Variants in FGF8 observed in about 807,000 individuals in gnomAD.
FGF8 encodes fibroblast growth factor 8.
In FGF8, 12 loss-of-function variants were observed where a neutral mutation model predicts 29.7. The observed-to-expected ratio is 0.40, with a 90% CI of 0.26 to 0.65. The LOEUF is 0.65. Ranked by LOEUF, FGF8 falls within the 30% of genes least tolerant of loss-of-function variation. The pLI, the probability that FGF8 is intolerant of heterozygous loss-of-function variation, is 0.37. For synonymous variants in FGF8, 157 were observed against 144.4 expected (o/e 1.09, Z -0.63); for missense variants, 271 against 345.1 (o/e 0.79, Z 1.70).
intron 5 of FGF8, among the ~76,000 whole-genome samples, chr10:101,770,964 C>T (rs768777122): frequency 2.1e-4 from 32 of 152,078 alleles, no homozygotes; most frequent in Admixed American, 4.6e-4. Flanking sequence ...CCCAGGACTT[C>T]GGTTCCCTGG....
chr10:101,777,239 G>C (rs1483321659), upstream of FGF8, among the ~76,000 whole-genome samples: 2 of 152,304 alleles, frequency 1.3e-5, no homozygotes, highest in East Asian at 1.9e-4. Flanking sequence ...GAGCCCCCAT[G>C]CTGCTTCTGT....
chr10:101,775,827 G>T lies in FGF8; in HGVS notation c.32+42C>A. 1 of 1,525,402 alleles carries T rather than the reference G, an allele frequency of 6.6e-7. No homozygotes were observed. Among genetic ancestry groups the T allele is most frequent in the Non-Finnish European group, 8.8e-7 (1 of 1,139,164 alleles). 94.5% of individuals were successfully genotyped at this position (1,525,402 alleles called of 1,614,324 possible). On this transcript the variant is annotated intron_variant, in intron 1 of 5. Transcript: ENST00000320185. The surrounding 1 kb of genome is among the most constrained non-coding windows in gnomAD (Gnocchi z 4.6). ...GAGAGAGGCGCGGGTGAGGCGAGGG[G>T]CGCGGGGGGCGGGTGGCGGGGCAGG...
chr10:101,775,223 G>A lies in FGF8; in HGVS notation c.70-7C>T, dbSNP rs1023502394. 1 of 1,544,760 alleles carries A rather than the reference G, an allele frequency of 6.5e-7. No individual in the cohort carries two copies. Among genetic ancestry groups the A allele is most frequent in the African/African-American group, 1.4e-5 (1 of 72,982 alleles). ...GGCCCCTGCCCGGGCCTTCCTAGAGGAGCAGGGCGCTTTTAAGTAGGGAGG... is the reference window on the plus strand; with the variant it reads ...GGCCCCTGCCCGGGCCTTCCTAGAGAAGCAGGGCGCTTTTAAGTAGGGAGG... On this transcript the variant is annotated splice_polypyrimidine_tract_variant and splice_region_variant and intron_variant, in intron 2 of 5. Coordinates refer to ENST00000320185, the MANE Select transcript of FGF8 (RefSeq NM_033163.5). The surrounding 1 kb of genome is among the most constrained non-coding windows in gnomAD (Gnocchi z 4.6).
Position 101,771,314 on chromosome 10 carries a change from T to G in FGF8, c.444+149A>C. ...AAACAGCTTCCTTCTCCCTCACTCC[T>G]GCACCCAATCGTGAGGTAACCCCAA... On this transcript the variant is annotated intron_variant, in intron 5 of 5. Coordinates refer to ENST00000320185, the MANE Select transcript of FGF8 (RefSeq NM_033163.5). This position sits in a 1 kb window ranked among gnomAD's most constrained non-coding sequence, Gnocchi z 5.3. 1.5e-6 allele frequency: 1 copy of G among 683,012 alleles called. No individual in the cohort carries two copies. Among genetic ancestry groups the G allele is most frequent in the Non-Finnish European group, 2.7e-6 (1 of 372,602 alleles). The allele number at this position is 683,012 out of a possible 1,614,324, so 42.3% of individuals were successfully genotyped here.
chr10:101,778,348 C>T (rs1034691609), upstream of FGF8, among the ~76,000 whole-genome samples: 1 of 152,182 alleles, frequency 6.6e-6, no homozygotes, highest in African/African-American at 2.4e-5. Context: ...CCTGGGGTCA[C>T]AGCCAGAGCC....
rs1431357088 is a variant in FGF8 at position 101,772,162 on chromosome 10, G to A, written c.338-593C>T. 6.6e-6 allele frequency among the ~76,000 whole-genome samples: 1 copy of A among 152,220 alleles called. No individual in the cohort carries two copies. Among genetic ancestry groups the A allele is most frequent in the Non-Finnish European group, 1.5e-5 (1 of 68,032 alleles). ...GCTCTGCTGAGAAGGTGCTAGGGAT[G>A]GGGACAGCTCTCCCTAAACACACAG... On this transcript the variant is annotated intron_variant, in intron 4 of 5. Transcript: ENST00000320185. The surrounding 1 kb of genome is among the most constrained non-coding windows in gnomAD (Gnocchi z 4.4).
chr10:101,773,846 C>G (rs1350597120), intron 4 of FGF8, among the ~76,000 whole-genome samples: 4 of 152,194 alleles, frequency 2.6e-5, no homozygotes, highest in African/African-American at 9.6e-5. Context: ...ACTTGCAACT[C>G]CTTTCAAACT....
In FGF8 at chr10:101,775,828, C is replaced by G. The variant is rs1274083292; in HGVS notation, c.32+41G>C. The G allele has an allele frequency of 2.4e-6, 3 of 1,232,246 alleles. No homozygotes were observed. The highest frequency in any genetic ancestry group is 1.6e-5 in the African/African-American group (1 of 62,562). 76.3% of individuals were successfully genotyped at this position (1,232,246 alleles called of 1,614,324 possible). A position where few individuals can be genotyped will look rare whatever the true frequency, so the allele number is the denominator to read the frequency against. On this transcript the variant is annotated intron_variant, in intron 1 of 5. Transcript: ENST00000320185. The surrounding 1 kb of genome is among the most constrained non-coding windows in gnomAD (Gnocchi z 4.6). Reference sequence around the variant, plus strand: ...AGAGAGGCGCGGGTGAGGCGAGGGGCGCGGGGGGCGGGTGGCGGGGCAGGG... The same window carrying G: ...AGAGAGGCGCGGGTGAGGCGAGGGGGGCGGGGGGCGGGTGGCGGGGCAGGG...
Position 101,775,393 on chromosome 10 carries a change from C to T in FGF8, c.70-177G>A, listed in dbSNP as rs1371361138. 18 of 608,696 alleles carry T rather than the reference C, an allele frequency of 3.0e-5. No individual in the cohort carries two copies. Among genetic ancestry groups the T allele is most frequent in the Non-Finnish European group, 5.0e-5 (17 of 342,252 alleles). 37.7% of individuals were successfully genotyped at this position (608,696 alleles called of 1,614,324 possible). The stretch of plus-strand genomic sequence containing the variant: ...GCTGAGAGGGTCTCTGCTGCAGTCA[C>T]CCGGCTTCCCCTGGCATCGAACATC... On this transcript the variant is annotated intron_variant, in intron 2 of 5. Transcript: ENST00000320185. This position sits in a 1 kb window ranked among gnomAD's most constrained non-coding sequence, Gnocchi z 4.6.
In FGF8 at chr10:101,775,822, G is replaced by A; in HGVS notation, c.33-46C>T. On this transcript the variant is annotated intron_variant, in intron 1 of 5. Coordinates refer to ENST00000320185, the MANE Select transcript of FGF8 (RefSeq NM_033163.5). This position sits in a 1 kb window ranked among gnomAD's most constrained non-coding sequence, Gnocchi z 4.6. ...CGGGAGAGAGAGGCGCGGGTGAGGC[G>A]AGGGGCGCGGGGGGCGGGTGGCGGG... is the stretch of plus-strand genomic sequence containing the variant. 2.0e-6 allele frequency: 3 copies of A among 1,528,824 alleles called. No individual in the cohort carries two copies. Among genetic ancestry groups the A allele is most frequent in the South Asian group, 1.2e-5 (1 of 82,918 alleles). The allele number at this position is 1,528,824 out of a possible 1,614,324, so 94.7% of individuals were successfully genotyped here.
upstream of FGF8, among the ~76,000 whole-genome samples, chr10:101,776,808 TC>T (rs1222300135): frequency 1.5e-5 from 2 of 133,278 alleles, no homozygotes; most frequent in African/African-American, 3.0e-5. Flanking sequence ...TGCCTCCCCC[TC>T]CCCCCATCCC....
Position 101,774,733 on chromosome 10 carries a change from G to A in FGF8, c.336C>T (p.Phe112=), listed in dbSNP as rs369110952. The part of the protein sequence containing the change: ...INAMAEDGDP[F]AKLIVETDTF... The stretch of plus-strand genomic sequence containing the variant: ...CAAGCTACCTTCAGCGCGCCTTACC[G>A]AAGGGGTCGCCGTCCTCTGCCATGG... The change falls in exon 4 of 6, where the codon TTC becomes TTT. Residue 112 remains phenylalanine, a splice_region_variant and synonymous_variant. Transcript: ENST00000320185. The A allele has an allele frequency of 1.6e-5, 25 of 1,603,442 alleles. No individual in the cohort carries two copies. In the East Asian group the frequency reaches 2.9e-4, roughly 19 times the overall value.
chr10:101,773,799 A>G (rs2065054098), intron 4 of FGF8, among the ~76,000 whole-genome samples: 1 of 152,254 alleles, frequency 6.6e-6, no homozygotes, highest in Non-Finnish European at 1.5e-5. Context: ...AGAGATTCAG[A>G]GAGAACAATC....
chr10:101,775,956 C>G lies in FGF8; in HGVS notation c.-56G>C, dbSNP rs1589814694. The stretch of plus-strand genomic sequence containing the variant: ...GCGGGTCACGCCGTCCCGCGGGCCG[C>G]CGCGGGAGGACGCGCTGAGCAGGGC... On this transcript the variant is annotated 5_prime_UTR_variant, in exon 1 of 6. Coordinates refer to ENST00000320185, the MANE Select transcript of FGF8 (RefSeq NM_033163.5). This position sits in a 1 kb window ranked among gnomAD's most constrained non-coding sequence, Gnocchi z 4.6. 2 of 1,137,822 alleles carry G rather than the reference C, an allele frequency of 1.8e-6. No individual in the cohort carries two copies. Among genetic ancestry groups the G allele is most frequent in the Non-Finnish European group, 2.2e-6 (2 of 924,154 alleles). The allele number at this position is 1,137,822 out of a possible 1,614,324, so 70.5% of individuals were successfully genotyped here. A position where few individuals can be genotyped will look rare whatever the true frequency, so the allele number is the denominator to read the frequency against.
chr10:101,775,187 G>A lies in FGF8; in HGVS notation c.99C>T (p.Gly33=). ...QEGPGRGPAL[G]RELASLFRAG... ...CCCGGAACAGGGAAGCGAGCTCCCT[G>A]CCCAGCGCAGGGCCCCTGCCCGGGC... The change falls in exon 3 of 6, where the codon GGC becomes GGT. Residue 33 remains glycine (G), a synonymous_variant. Transcript: ENST00000320185. The surrounding 1 kb of genome is among the most constrained non-coding windows in gnomAD (Gnocchi z 4.6). 1 of 1,548,090 alleles carries A rather than the reference G, an allele frequency of 6.5e-7. No individual in the cohort carries two copies. Among genetic ancestry groups the A allele is most frequent in the Non-Finnish European group, 8.7e-7 (1 of 1,146,838 alleles).
chr10:101,776,452 G>A (rs2065096175), upstream of FGF8, among the ~76,000 whole-genome samples: 1 of 151,526 alleles, frequency 6.6e-6, no homozygotes, highest in African/African-American at 2.4e-5. Context: ...TCCCGGACGC[G>A]CGGGGATGGG....
intron 5 of FGF8, 125 bp from the exon 6 acceptor site, chr10:101,770,744 C>T: frequency 9.4e-7 from 1 of 1,060,300 alleles, no homozygotes; most frequent in African/African-American, 1.6e-5. Flanking sequence ...GCAGCCCCAC[C>T]CCCTGCCTGG....
chr10:101,775,291 G>T lies in FGF8; in HGVS notation c.70-75C>A. The T allele has an allele frequency of 1.8e-6, 2 of 1,111,974 alleles. No individual in the cohort carries two copies. The highest frequency in any genetic ancestry group is 2.6e-6 in the Non-Finnish European group (2 of 758,640). 68.9% of individuals were successfully genotyped at this position (1,111,974 alleles called of 1,614,324 possible). On this transcript the variant is annotated intron_variant, in intron 2 of 5. Transcript: ENST00000320185. The surrounding 1 kb of genome is among the most constrained non-coding windows in gnomAD (Gnocchi z 4.6). ...TGACATTTATAAAGACAAATTTACG[G>T]AGCAAATGTTGAGAGTGCAGGGAAC...
rs1341150021 is a variant in FGF8, at chr10:101,771,044, C to A, written c.444+419G>T. Reference sequence around the variant, plus strand: ...ATGCTAAGACCCCAGCCCCAGAAGCCCAGGAAGTGGGGAGCTCGAGGCTGG... The same window carrying A: ...ATGCTAAGACCCCAGCCCCAGAAGCACAGGAAGTGGGGAGCTCGAGGCTGG... On this transcript the variant is annotated intron_variant, in intron 5 of 5. Coordinates refer to ENST00000320185, the MANE Select transcript of FGF8 (RefSeq NM_033163.5). The surrounding 1 kb of genome is among the most constrained non-coding windows in gnomAD (Gnocchi z 5.3). 6.6e-6 allele frequency among the ~76,000 whole-genome samples: 1 copy of A among 152,044 alleles called. No individual in the cohort carries two copies. Among genetic ancestry groups the A allele is most frequent in the Non-Finnish European group, 1.5e-5 (1 of 67,996 alleles).
Sources: gnomAD v4.1 joint callset for allele counts (sites outside exome capture counted in the v4.1 genomes callset) on GRCh38, gnomAD v4.1.1 for gene constraint, Gnocchi (gnomAD v3.1) non-coding constraint, MANE v1.5 for transcripts, NCBI Gene and HGNC (gene_info 2026-07-23, HGNC 2026-07-21) for gene names.